Variants in GNE observed in about 807,000 individuals in gnomAD.
The protein encoded by GNE is glucosamine (UDP-N-acetyl)-2-epimerase/N-acetylmannosamine kinase.
A neutral mutation model predicts 61.8 loss-of-function variants in GNE; 41 were observed. The observed-to-expected ratio is 0.66, with a 90% CI of 0.52 to 0.86. GNE has a LOEUF of 0.86. GNE is among the 40% of genes least tolerant of loss of function. The pLI, the probability that GNE is intolerant of heterozygous loss-of-function variation, is 0.00. For synonymous variants in GNE, 264 were observed against 326.4 expected (o/e 0.81, Z 2.06); for missense variants, 608 against 909.1 (o/e 0.67, Z 4.26).
At chr9:36,247,058 C>T (rs1451597165) in intron 2 of GNE, among the ~76,000 whole-genome samples, 1 of 149,412 alleles carries the variant, frequency 6.7e-6, no homozygotes, top group Admixed American at 6.7e-5. Context: ...GTTTTTTACC[C>T]TTTTTTTTAT....
At chr9:36,231,088 AGAAAGAG>A (rs1371054918) in intron 5 of GNE, among the ~76,000 whole-genome samples, 13 of 123,594 alleles carry the variant, frequency 1.1e-4, no homozygotes, top group Admixed American at 2.4e-4. Flanking sequence ...AAAAAAAGAA[AGAAAGAG>A]AGAGAGAGAA....
At chr9:36,233,794 C>G in intron 5 of GNE, 126 bp downstream of exon 5, 1 of 803,526 alleles carries the variant, frequency 1.2e-6, no homozygotes, top group East Asian at 2.4e-5. Flanking sequence ...TAGGCTTCAA[C>G]TGGTTATTAA....
intron 1 of GNE, among the ~76,000 whole-genome samples, chr9:36,269,421 G>T (rs1830936389): frequency 6.6e-6 from 1 of 150,710 alleles, no homozygotes; most frequent in Admixed American, 6.7e-5. Flanking sequence ...TTTCTTCCCA[G>T]CTTGAGGCCC....
At chr9:36,232,334 C>T (rs1230891995) in intron 5 of GNE, among the ~76,000 whole-genome samples, 1 of 98,302 alleles carries the variant, frequency 1.0e-5, no homozygotes, top group Non-Finnish European at 1.9e-5. Context: ...TCTTGCCCCC[C>T]CGCCCCCCCT....
At chr9:36,275,300 A>C (rs1434692478) in intron 1 of GNE, among the ~76,000 whole-genome samples, 1 of 152,180 alleles carries the variant, frequency 6.6e-6, no homozygotes, top group Non-Finnish European at 1.5e-5. Context: ...TCAGTGTGCC[A>C]CAAAACCCTA....
chr9:36,266,637 C>T (rs1243193159), intron 1 of GNE, among the ~76,000 whole-genome samples: 1 of 150,864 alleles, frequency 6.6e-6, no homozygotes, highest in African/African-American at 2.4e-5. Flanking sequence ...AGGCTGGGTG[C>T]GGTGGCTCAC....
Position 36,216,265 on chromosome 9 carries a change from T to C in GNE, c.*1100A>G. 4.4e-6 allele frequency: 2 copies of C among 455,682 alleles called. No homozygotes were observed. Among genetic ancestry groups the C allele is most frequent in the Non-Finnish European group, 8.8e-6 (2 of 226,654 alleles). 28.2% of individuals were successfully genotyped at this position (455,682 alleles called of 1,614,324 possible). A position where few individuals can be genotyped will look rare whatever the true frequency, so the allele number is the denominator to read the frequency against. On this transcript the variant is annotated 3_prime_UTR_variant, in exon 12 of 12. Coordinates refer to ENST00000642385, the MANE Select transcript of GNE (RefSeq NM_005476.7). Reference sequence around the variant, plus strand: ...GTACTTAAGCCCTTCCTGGTAAGATTTCCCTCTGTTCTCTGACTGGATCAC... The same window carrying C: ...GTACTTAAGCCCTTCCTGGTAAGATCTCCCTCTGTTCTCTGACTGGATCAC...
chr9:36,255,290 C>A (rs1373530051), intron 1 of GNE, among the ~76,000 whole-genome samples: 1 of 152,118 alleles, frequency 6.6e-6, no homozygotes, highest in Non-Finnish European at 1.5e-5. Context: ...TCACTGTAAC[C>A]TCCACCTCCC....
intron 1 of GNE, among the ~76,000 whole-genome samples, chr9:36,249,896 A>C (rs967076849): frequency 2.0e-5 from 3 of 151,774 alleles, no homozygotes; most frequent in Non-Finnish European, 2.9e-5. Context: ...AAAAAAAAAA[A>C]GAAGAAGAAA....
intron 5 of GNE, among the ~76,000 whole-genome samples, chr9:36,232,906 G>A (rs1353268502): frequency 6.6e-6 from 1 of 152,120 alleles, no homozygotes; most frequent in Non-Finnish European, 1.5e-5. Context: ...AATGAATTGA[G>A]GAATTTGAAA....
Position 36,217,491 on chromosome 9 carries a change from G to A in GNE, c.2043C>T (p.Asp681=), listed in dbSNP as rs568010488. 8.1e-6 allele frequency: 13 copies of A among 1,613,972 alleles called. No individual in the cohort carries two copies. Among genetic ancestry groups the A allele is most frequent in the East Asian group, 2.2e-5 (1 of 44,894 alleles). ...LASHYIHIVK[D]VIRQQALSSV... is the part of the protein sequence containing the mutation. ...AGGACAAGGCCTGCTGGCGAATGAC[G>A]TCTTTGACAATGTGGATATAGTGAC... Residue 681 remains aspartate, a synonymous_variant, in exon 12 of 12, where the codon GAC becomes GAT. Transcript: ENST00000642385.
Position 36,276,876 on chromosome 9 carries a change from G to A in GNE, c.51+18C>T, listed in dbSNP as rs1370632267. The A allele has an allele frequency of 1.3e-6, 2 of 1,581,874 alleles. No individual in the cohort carries two copies. Among genetic ancestry groups the A allele is most frequent in the Non-Finnish European group, 8.6e-7 (1 of 1,156,720 alleles). On this transcript the variant is annotated intron_variant, in intron 1 of 11. Coordinates refer to the GNE transcript ENST00000396594. ...GCAATTTCAATAATAAAGCTCTATT[G>A]AATTCCGAATTACTTACATGAGGTC...
chr9:36,237,063 A>T (rs890326857), intron 3 of GNE, 79 bp from the exon 4 acceptor site: 2 of 1,143,038 alleles, frequency 1.7e-6, no homozygotes, highest in African/African-American at 3.0e-5. Context: ...TGAAAGCAAG[A>T]CTCTAAGTCT....
intron 4 of GNE, among the ~76,000 whole-genome samples, chr9:36,236,489 C>A (rs1440379432): frequency 6.6e-6 from 1 of 152,172 alleles, no homozygotes; most frequent in African/African-American, 2.4e-5. Flanking sequence ...CATGAGCCAC[C>A]GTGCCCGACC....
chr9:36,234,842 C>T (rs1829326861), intron 4 of GNE, among the ~76,000 whole-genome samples: 2 of 152,264 alleles, frequency 1.3e-5, no homozygotes, highest in Non-Finnish European at 1.5e-5. Context: ...CAAAGCTGTG[C>T]ATGCATGGTT....
chr9:36,241,489 G>A (rs762302208), intron 3 of GNE, among the ~76,000 whole-genome samples: 4 of 152,100 alleles, frequency 2.6e-5, no homozygotes, highest in African/African-American at 4.8e-5. Flanking sequence ...AAAGTAAAAC[G>A]CAAGACAATG....
chr9:36,245,953 T>G, intron 3 of GNE, 78 bp downstream of exon 3: 5 of 1,142,990 alleles, frequency 4.4e-6, no homozygotes, highest in Non-Finnish European at 6.5e-6. Flanking sequence ...TCCATAATAG[T>G]TTCCAAAAGG....
chr9:36,267,065 C>CA (rs532334577), intron 1 of GNE, among the ~76,000 whole-genome samples: 259 of 152,006 alleles, frequency 1.7e-3, no homozygotes, highest in African/African-American at 6.1e-3. Flanking sequence ...GACTCAGTCT[C>CA]AAAAAAAGAG....
intron 3 of GNE, among the ~76,000 whole-genome samples, chr9:36,242,287 C>CAAA (rs201582112): frequency 6.9e-5 from 10 of 145,308 alleles, no homozygotes; most frequent in Non-Finnish European, 6.0e-5. Context: ...GTTTAAAGAC[C>CAAA]AAAAAAAAAA....
Sources: gnomAD v4.1 joint callset for allele counts (sites outside exome capture counted in the v4.1 genomes callset) on GRCh38, gnomAD v4.1.1 for gene constraint, MANE v1.5 for transcripts, NCBI Gene and HGNC (gene_info 2026-07-23, HGNC 2026-07-21) for gene names.